ZNF549: variants seen among roughly 807,000 people sequenced by gnomAD.
ZNF549 encodes zinc finger protein 549.
Under a neutral mutation model 11.1 loss-of-function variants are expected in ZNF549, and 11 were observed. That is an observed-to-expected ratio of 0.99 (90% CI 0.62 to 1.64). The LOEUF (loss-of-function observed/expected upper bound fraction) is 1.64. Among genes scored for constraint, ZNF549 ranks in the 40% most tolerant of loss-of-function variants. The pLI, the probability that ZNF549 is intolerant of heterozygous loss-of-function variation, is 0.00. For missense variants in ZNF549, 748 were observed against 765.1 expected, an observed-to-expected ratio of 0.98 and a Z score of 0.26; for synonymous variants, 266 against 269.1, an observed-to-expected ratio of 0.99 and a Z score of 0.11.
chr19:57,535,394 G>T, intron 3 of ZNF549, 124 bp downstream of exon 3: 1 of 1,388,438 alleles, frequency 7.2e-7, no homozygotes, highest in Non-Finnish European at 9.7e-7. Context: ...TTCTTGACCT[G>T]TGGAAGACAT....
chr19:57,536,662 CCT>C (rs1284417327), intron 3 of ZNF549, among the ~76,000 whole-genome samples: 1 of 152,130 alleles, frequency 6.6e-6, no homozygotes, highest in African/African-American at 2.4e-5. Flanking sequence ...ATGCCCCCTG[CCT>C]CTCTTCCCAC....
intron 3 of ZNF549, among the ~76,000 whole-genome samples, chr19:57,535,732 T>C (rs2089921772): frequency 1.3e-5 from 2 of 152,176 alleles, no homozygotes; most frequent in Admixed American, 1.3e-4. Flanking sequence ...CTGTAGTCTG[T>C]CATGGGTTGG....
intron 3 of ZNF549, among the ~76,000 whole-genome samples, chr19:57,535,813 C>G (rs1032490347): frequency 6.6e-6 from 1 of 152,094 alleles, no homozygotes; most frequent in Non-Finnish European, 1.5e-5. Flanking sequence ...CTTCCAGGAC[C>G]CAGATAGTCT....
intron 1 of ZNF549, among the ~76,000 whole-genome samples, chr19:57,530,639 G>A (rs2089900134): frequency 6.6e-6 from 1 of 152,078 alleles, no homozygotes; most frequent in African/African-American, 2.4e-5. Flanking sequence ...GCAACTCCAG[G>A]TAGTTAGTGT....
chr19:57,538,304 G>C lies in ZNF549; in HGVS notation c.1300G>C (p.Glu434Gln). Residue 434 changes from glutamate (E) to glutamine (Q), a missense_variant, in exon 4 of 4, where the codon GAG (glutamate) becomes CAG (glutamine). Physicochemically the swap from Glu to Gln is conservative, Grantham distance 29. Coordinates refer to ENST00000376233, the MANE Select transcript of ZNF549 (RefSeq NM_001199295.2). ...KAFIHKKRLL[E>Q]HQRIHTGEKP... ...CTTCATTCACAAAAAAAGACTTCTT[G>C]AGCACCAGAGAATTCATACTGGAGA... 6.2e-7 allele frequency: 1 copy of C among 1,613,226 alleles called. No individual in the cohort carries two copies. Among genetic ancestry groups the C allele is most frequent in the Non-Finnish European group, 8.5e-7 (1 of 1,179,834 alleles).
At position 57,539,106 on chromosome 19, in the gene ZNF549, C is replaced by T; in HGVS notation, c.*179C>T. ...GAGATTACTTGTACTTTCTAATCTGCCCAGTGTTACAACAGACACTACCAT... is the reference window on the plus strand; with the variant it reads ...GAGATTACTTGTACTTTCTAATCTGTCCAGTGTTACAACAGACACTACCAT... On this transcript the variant is annotated 3_prime_UTR_variant, in exon 4 of 4. Transcript: ENST00000376233. The T allele has an allele frequency of 1.5e-6, 1 of 667,822 alleles. No individual in the cohort carries two copies. The allele number at this position is 667,822 out of a possible 1,614,324, so 41.4% of individuals were successfully genotyped here.
intron 2 of ZNF549, among the ~76,000 whole-genome samples, chr19:57,532,268 G>C (rs780489546): frequency 6.6e-5 from 10 of 152,122 alleles, no homozygotes; most frequent in Non-Finnish European, 1.3e-4. Context: ...GCCCTTCGTG[G>C]GGTCTCTAGG....
chr19:57,538,901 A>T lies in ZNF549; in HGVS notation c.1897A>T (p.Lys633Ter). The stretch of plus-strand genomic sequence containing the variant: ...AAGATATTCCCTTGTCAGGCACCAG[A>T]AGGTACATATAACAGAAGAGCCCTA... ...NKRYSLVRHQ[K>*]VHITEEP The change falls in exon 4 of 4, where the codon AAG becomes TAG. Residue 633 changes from lysine (K) to a stop codon, truncating the protein, a stop_gained. Coordinates refer to ENST00000376233, the MANE Select transcript of ZNF549 (RefSeq NM_001199295.2). LOFTEE classifies it low-confidence loss of function (END_TRUNC). The T allele has an allele frequency of 2.5e-6, 4 of 1,605,514 alleles. No individual in the cohort carries two copies. Among genetic ancestry groups the T allele is most frequent in the Non-Finnish European group, 3.4e-6 (4 of 1,179,806 alleles).
Position 57,538,277 on chromosome 19 carries a change from G to A in ZNF549, c.1273G>A (p.Ala425Thr). The A allele has an allele frequency of 6.2e-7, 1 of 1,612,946 alleles. No individual in the cohort carries two copies. Among genetic ancestry groups the A allele is most frequent in the Non-Finnish European group, 8.5e-7 (1 of 1,179,772 alleles). Residue 425 changes from alanine (A) to threonine (T), a missense_variant, in exon 4 of 4, where the codon GCC (alanine) becomes ACC (threonine). Coordinates refer to ENST00000376233, the MANE Select transcript of ZNF549 (RefSeq NM_001199295.2). The part of the protein sequence containing the change: ...RPYECKECGK[A>T]FIHKKRLLEH... ...TTATGAGTGCAAAGAATGTGGGAAG[G>A]CCTTCATTCACAAAAAAAGACTTCT... is the stretch of plus-strand genomic sequence containing the variant.
At position 57,538,440 on chromosome 19, in the gene ZNF549, G is replaced by C; in HGVS notation, c.1436G>C (p.Gly479Ala). The C allele has an allele frequency of 6.2e-7, 1 of 1,614,170 alleles. No homozygotes were observed. The highest frequency in any genetic ancestry group is 8.5e-7 in the Non-Finnish European group (1 of 1,180,034). Residue 479 changes from glycine (G) to alanine (A), a missense_variant, in exon 4 of 4, where the codon GGG becomes GCG. By Grantham distance (60) the Gly-to-Ala change is moderately conservative. Coordinates refer to ENST00000376233, the MANE Select transcript of ZNF549 (RefSeq NM_001199295.2). The part of the protein sequence containing the change: ...GERAYECSDC[G>A]KAFISKQTLL... ...AGGGCTTATGAATGCAGTGACTGTG[G>C]GAAAGCCTTCATCTCCAAACAAACA...
chr19:57,537,312 C>T lies in ZNF549; in HGVS notation c.308C>T (p.Ala103Val). ...AAGCTAGGTCCTTCCATCCCAAATG[C>T]TCATTCTTGTGAGATGTGTATCCTG... Reference protein sequence around the residue: ...TPKLGPSIPNAHSCEMCILVM... With the variant: ...TPKLGPSIPNVHSCEMCILVM... Residue 103 changes from alanine (A) to valine (V), a missense_variant, in exon 4 of 4, where the codon GCT becomes GTT. Physicochemically the swap from Ala to Val is moderately conservative, Grantham distance 64. Transcript: ENST00000376233. 2 of 1,614,192 alleles carry T rather than the reference C, an allele frequency of 1.2e-6. No homozygotes were observed. The highest frequency in any genetic ancestry group is 1.3e-5 in the African/African-American group (1 of 75,044).
In ZNF549 at chr19:57,527,626, A is replaced by C. The variant is rs746286265; in HGVS notation, c.33+20A>C. The C allele has an allele frequency of 3.1e-6, 5 of 1,612,828 alleles. No individual in the cohort carries two copies. Among genetic ancestry groups the C allele is most frequent in the Non-Finnish European group, 4.2e-6 (5 of 1,179,634 alleles). On this transcript the variant is annotated intron_variant, in intron 1 of 3. Coordinates refer to ENST00000376233, the MANE Select transcript of ZNF549 (RefSeq NM_001199295.2). ...CCGCAGGTGAGAGCGGAGTCCTCGG[A>C]TCCTCACCTGGGTCCTGAGGCCCCG...
rs2089943509 is a variant in ZNF549, at chr19:57,539,132, G to A, written c.*205G>A. On this transcript the variant is annotated 3_prime_UTR_variant, in exon 4 of 4. Coordinates refer to ENST00000376233, the MANE Select transcript of ZNF549 (RefSeq NM_001199295.2). ...CCAGTGTTACAACAGACACTACCAT[G>A]TGGCATATCCTCACCGTTTTCATCA... is the stretch of plus-strand genomic sequence containing the variant. The A allele has an allele frequency of 3.4e-6, 2 of 582,712 alleles. No individual in the cohort carries two copies. The highest frequency in any genetic ancestry group is 3.1e-5 in the Admixed American group (1 of 32,540). 36.1% of individuals were successfully genotyped at this position (582,712 alleles called of 1,614,324 possible).
chr19:57,536,597 CCT>C (rs1446224497), intron 3 of ZNF549, among the ~76,000 whole-genome samples: 1 of 152,118 alleles, frequency 6.6e-6, no homozygotes, highest in Non-Finnish European at 1.5e-5. Flanking sequence ...GCAGGTCTCC[CCT>C]GTCTCCATCA....
At chr19:57,536,687 T>C (rs2089926030) in intron 3 of ZNF549, among the ~76,000 whole-genome samples, 1 of 152,150 alleles carries the variant, frequency 6.6e-6, no homozygotes, top group Admixed American at 6.6e-5. Flanking sequence ...TAGTACCCCA[T>C]TCCTTGTTCT....
At chr19:57,533,426 CTGT>C (rs2123312221) in intron 2 of ZNF549, among the ~76,000 whole-genome samples, 1 of 152,328 alleles carries the variant, frequency 6.6e-6, no homozygotes, top group East Asian at 1.9e-4. Context: ...CTCTGATTAA[CTGT>C]TGTCTCCCAA....
intron 1 of ZNF549, among the ~76,000 whole-genome samples, chr19:57,529,493 G>A (rs2089894169): frequency 1.3e-5 from 2 of 152,170 alleles, no homozygotes; most frequent in African/African-American, 4.8e-5. Context: ...TAAAAAACAT[G>A]TGAATGTGGT....
chr19:57,535,428 G>A, intron 3 of ZNF549, 158 bp downstream of exon 3: 1 of 1,064,928 alleles, frequency 9.4e-7, no homozygotes, highest in Admixed American at 2.4e-5. Flanking sequence ...GCCAGGCCTG[G>A]GTTTTTTCTG....
At position 57,537,371 on chromosome 19, in the gene ZNF549, CAG is replaced by C; in HGVS notation, c.368_369del (p.Gln123ArgfsTer23). The C allele has an allele frequency of 3.7e-6, 6 of 1,614,168 alleles. No homozygotes were observed. Among genetic ancestry groups the C allele is most frequent in the Non-Finnish European group, 5.1e-6 (6 of 1,180,028 alleles). Reference sequence around the variant, plus strand: ...AGACATTTTGTACCTCAGTGAGCATCAGGGGACACTTCCCTGGCAGAAACCTT... The same window carrying C: ...AGACATTTTGTACCTCAGTGAGCATCGGGACACTTCCCTGGCAGAAACCTT... ...MKDILYLSEHQGTLPWQKPYT... is the reference protein window; with the variant it reads ...MKDILYLSEHXGTLPWQKPYT... On this transcript the variant is annotated frameshift_variant, in exon 4 of 4. Coordinates refer to ENST00000376233, the MANE Select transcript of ZNF549 (RefSeq NM_001199295.2). LOFTEE classifies it low-confidence loss of function (END_TRUNC).
Sources: gnomAD v4.1 joint callset for allele counts (sites outside exome capture counted in the v4.1 genomes callset) on GRCh38, gnomAD v4.1.1 for gene constraint, MANE v1.5 for transcripts, NCBI Gene and HGNC (gene_info 2026-07-23, HGNC 2026-07-21) for gene names.